Variants in ZNF407 observed in about 807,000 individuals in gnomAD.
ZNF407 encodes zinc finger protein 407.
ZNF407 carries 17 observed loss-of-function variants against 131.2 expected under a neutral mutation model. That is an observed-to-expected ratio of 0.13 (90% CI 0.09 to 0.19). The LOEUF is 0.19. Among genes scored for constraint, ZNF407 ranks in the 10% least tolerant of loss-of-function variants. ZNF407 has a pLI of 1.00. For synonymous variants in ZNF407, 1,156 were observed against 1,062.0 expected, an observed-to-expected ratio of 1.09 and a Z score of -1.72; for missense variants, 2,681 against 2,830.6, an observed-to-expected ratio of 0.95 and a Z score of 1.20.
intron 4 of ZNF407, among the ~76,000 whole-genome samples, chr18:74,821,578 T>C (rs1970341064): frequency 6.6e-6 from 1 of 152,186 alleles, no homozygotes; most frequent in Admixed American, 6.5e-5. Flanking sequence ...GCTTCATCCA[T>C]GTACCTGCAC....
chr18:74,871,688 G>A (rs1971089329), intron 4 of ZNF407, among the ~76,000 whole-genome samples: 1 of 151,960 alleles, frequency 6.6e-6, no homozygotes, highest in South Asian at 2.1e-4. Context: ...TGTGGTTTTT[G>A]TAGATATGAG....
chr18:74,861,428 T>G (rs768721808), intron 4 of ZNF407, among the ~76,000 whole-genome samples: 2 of 152,240 alleles, frequency 1.3e-5, no homozygotes, highest in Non-Finnish European at 1.5e-5. Context: ...CGGAATGTGC[T>G]GCAGACAGAA....
At chr18:74,637,367 A>G (rs1032247813) in intron 2 of ZNF407, among the ~76,000 whole-genome samples, 2 of 152,196 alleles carry the variant, frequency 1.3e-5, no homozygotes, top group Non-Finnish European at 2.9e-5. Flanking sequence ...TTCCTTGACT[A>G]TATGTATTAA....
At chr18:74,639,177 A>AC (rs954123870) in intron 2 of ZNF407, among the ~76,000 whole-genome samples, 5 of 152,170 alleles carry the variant, frequency 3.3e-5, no homozygotes, top group African/African-American at 1.2e-4. Context: ...CAGAGACCCC[A>AC]CGTCCCTTTC....
chr18:74,833,385 A>C (rs758385424), intron 4 of ZNF407, among the ~76,000 whole-genome samples: 2 of 152,248 alleles, frequency 1.3e-5, no homozygotes. Flanking sequence ...CACTTAATCA[A>C]ACTGTAATAA....
At chr18:74,805,243 A>G (rs1599166729) in intron 4 of ZNF407, among the ~76,000 whole-genome samples, 1 of 152,152 alleles carries the variant, frequency 6.6e-6, no homozygotes, top group Admixed American at 6.5e-5. Flanking sequence ...ATCGTCTTTC[A>G]TCTTACTCTT....
chr18:74,857,728 A>G (rs1049498300), intron 4 of ZNF407, among the ~76,000 whole-genome samples: 96 of 152,264 alleles, frequency 6.3e-4, no homozygotes, highest in African/African-American at 2.1e-3. Context: ...TTTTTTTTAA[A>G]TTAATGAAGT....
At chr18:75,028,398 C>A (rs565238334) in intron 8 of ZNF407, among the ~76,000 whole-genome samples, 7 of 151,600 alleles carry the variant, frequency 4.6e-5, no homozygotes, top group Admixed American at 2.0e-4. Flanking sequence ...CCTGTAAGGA[C>A]CCTGGTCACA....
chr18:74,694,210 G>A (rs749943527), intron 3 of ZNF407, among the ~76,000 whole-genome samples: 29 of 152,008 alleles, frequency 1.9e-4, no homozygotes, highest in Non-Finnish European at 2.6e-4. Flanking sequence ...TGATCCTTTG[G>A]AGGTTTGTTT....
chr18:75,026,760 A>G (rs1973175663), intron 8 of ZNF407, among the ~76,000 whole-genome samples: 1 of 152,210 alleles, frequency 6.6e-6, no homozygotes, highest in African/African-American at 2.4e-5. Context: ...TACTTTGAGC[A>G]TAGATTATAC....
At chr18:75,052,864 G>T (rs766628024) in intron 8 of ZNF407, among the ~76,000 whole-genome samples, 4 of 152,170 alleles carry the variant, frequency 2.6e-5, no homozygotes, top group African/African-American at 4.8e-5. Flanking sequence ...CCTGATCAGC[G>T]TTCGGACCCA....
At chr18:74,867,475 G>A (rs540891465) in intron 4 of ZNF407, among the ~76,000 whole-genome samples, 4 of 152,214 alleles carry the variant, frequency 2.6e-5, no homozygotes, top group East Asian at 1.9e-4. Flanking sequence ...ATATTGACTC[G>A]AATACATACC....
chr18:74,809,098 C>T (rs1970156693), intron 4 of ZNF407, among the ~76,000 whole-genome samples: 1 of 151,844 alleles, frequency 6.6e-6, no homozygotes, highest in South Asian at 2.1e-4. Context: ...GATTCTTTTA[C>T]GAAAAAAAAC....
chr18:74,610,446 A>G (rs1685610766), intron 1 of ZNF407, among the ~76,000 whole-genome samples: 1 of 152,152 alleles, frequency 6.6e-6, no homozygotes, highest in South Asian at 2.1e-4. Context: ...CCAGATAGGT[A>G]ATTACCCATT....
At chr18:75,023,336 C>A (rs897273558) in intron 8 of ZNF407, among the ~76,000 whole-genome samples, 5 of 151,972 alleles carry the variant, frequency 3.3e-5, no homozygotes, top group Admixed American at 1.3e-4. Flanking sequence ...TAATAAAAAG[C>A]CTTGAATTAA....
intron 8 of ZNF407, among the ~76,000 whole-genome samples, chr18:74,985,477 A>G (rs12970435): frequency 0.21 from 31,333 of 152,204 alleles, 3,674 homozygotes; most frequent in Admixed American, 0.3. Context: ...CTAATCTTTG[A>G]GTTCCTGGCT....
chr18:74,626,445 T>C, intron 1 of ZNF407, among the ~76,000 whole-genome samples: 1 of 152,216 alleles, frequency 6.6e-6, no homozygotes, highest in East Asian at 1.9e-4. Flanking sequence ...TCTTAGTTTG[T>C]ATTGTACACA....
chr18:74,762,587 G>T, intron 3 of ZNF407, among the ~76,000 whole-genome samples: 1 of 151,890 alleles, frequency 6.6e-6, no homozygotes, highest in African/African-American at 2.4e-5. Flanking sequence ...CATCCTTCCT[G>T]CCACTCTCTG....
intron 1 of ZNF407, among the ~76,000 whole-genome samples, chr18:74,616,747 C>A (rs1983304210): frequency 6.6e-6 from 1 of 151,908 alleles, no homozygotes; most frequent in Non-Finnish European, 1.5e-5. Flanking sequence ...CTCTTGCCTA[C>A]CACACACATC....
Sources: allele counts gnomAD v4.1 joint callset (sites outside exome capture counted in the v4.1 genomes callset), GRCh38; gene constraint gnomAD v4.1.1; transcripts MANE v1.5; gene names NCBI Gene and HGNC (gene_info 2026-07-23, HGNC 2026-07-21).